PIBF1: variants seen among roughly 807,000 people sequenced by gnomAD.
PIBF1 encodes progesterone-induced-blocking factor 1.
PIBF1 carries 90 observed loss-of-function variants against 112.5 expected under a neutral mutation model. The ratio of observed to expected loss-of-function variants is 0.80; its 90% CI spans 0.67 to 0.95. PIBF1 has a LOEUF of 0.95. Ranked by LOEUF, PIBF1 falls within the 40% of genes least tolerant of loss-of-function variation. PIBF1 has a pLI of 0.00. For missense variants in PIBF1, 915 were observed against 852.3 expected, an observed-to-expected ratio of 1.07 and a Z score of -0.92; for synonymous variants, 301 against 288.6, an observed-to-expected ratio of 1.04 and a Z score of -0.44.
intron 17 of PIBF1, among the ~76,000 whole-genome samples, chr13:73,012,060 G>A (rs531438323): frequency 7.6e-4 from 115 of 152,124 alleles, no homozygotes; most frequent in Middle Eastern, 6.8e-3. Context: ...TAACAGAAAC[G>A]ACAAATGCTG....
At chr13:72,905,942 C>G (rs537276775) in intron 11 of PIBF1, among the ~76,000 whole-genome samples, 1 of 152,150 alleles carries the variant, frequency 6.6e-6, no homozygotes, top group Non-Finnish European at 1.5e-5. Flanking sequence ...CTTGAGAAAG[C>G]AGAGAGATTA....
chr13:72,929,943 T>C (rs2041650315), intron 13 of PIBF1, among the ~76,000 whole-genome samples: 2 of 152,126 alleles, frequency 1.3e-5, no homozygotes, highest in Non-Finnish European at 2.9e-5. Flanking sequence ...CACTGTAACC[T>C]CGAACTCCTG....
chr13:72,863,024 G>A lies in PIBF1; in HGVS notation c.1322+8869G>A, dbSNP rs539910071. ...GGGAATTGATGGTAAGAGAAATAGT[G>A]TTTGTACATATATAATGTTCTCAGA... On this transcript the variant is annotated intron_variant, in intron 10 of 17. Coordinates refer to ENST00000326291, the MANE Select transcript of PIBF1 (RefSeq NM_006346.4). Among the ~76,000 whole-genome samples, 4 of 152,160 alleles carry A rather than the reference G, an allele frequency of 2.6e-5. No individual in the cohort carries two copies. The South Asian group carries it at 8.3e-4, about 32-fold the overall frequency.
chr13:72,867,912 C>G (rs1378722439), intron 10 of PIBF1, among the ~76,000 whole-genome samples: 4 of 152,146 alleles, frequency 2.6e-5, no homozygotes, highest in Non-Finnish European at 5.9e-5. Flanking sequence ...TTTCTCTTGG[C>G]TAGATTATTC....
intron 10 of PIBF1, among the ~76,000 whole-genome samples, chr13:72,879,343 G>T (rs553994893): frequency 2.0e-5 from 3 of 152,224 alleles, no homozygotes; most frequent in South Asian, 4.1e-4. Context: ...AAGTCAAGGA[G>T]ATCTACAATC....
chr13:72,918,890 G>C (rs1345825004), intron 13 of PIBF1, among the ~76,000 whole-genome samples: 1 of 151,672 alleles, frequency 6.6e-6, no homozygotes, highest in South Asian at 2.1e-4. Flanking sequence ...TTTTAATAGC[G>C]ACAGGGTTTC....
At position 72,893,965 on chromosome 13, in the gene PIBF1, T is replaced by A. The variant is rs778897456; in HGVS notation, c.1488+16T>A. 1 of 1,546,660 alleles carries A rather than the reference T, an allele frequency of 6.5e-7. No homozygotes were observed. The highest frequency in any genetic ancestry group is 2.4e-5 in the East Asian group (1 of 42,096). ...AAAATTGGAGGTACATGTACAAGCT[T>A]TTCTTTCAACATTAGCATGGCATGT... is the stretch of plus-strand genomic sequence containing the variant. On this transcript the variant is annotated intron_variant, in intron 11 of 17. Coordinates refer to ENST00000326291, the MANE Select transcript of PIBF1 (RefSeq NM_006346.4).
At chr13:72,969,119 A>G (rs1002516151) in intron 15 of PIBF1, among the ~76,000 whole-genome samples, 1 of 152,224 alleles carries the variant, frequency 6.6e-6, no homozygotes, top group Admixed American at 6.5e-5. Flanking sequence ...TATAATCTTC[A>G]TAATATACAC....
chr13:72,815,862 G>A (rs544511192), intron 5 of PIBF1, among the ~76,000 whole-genome samples: 2 of 152,214 alleles, frequency 1.3e-5, no homozygotes, highest in Admixed American at 6.5e-5. Context: ...TTATTCAAAA[G>A]GCATGAGAAT....
At chr13:72,908,907 C>G (rs1198277212) in intron 12 of PIBF1, among the ~76,000 whole-genome samples, 2 of 151,692 alleles carry the variant, frequency 1.3e-5, no homozygotes, top group East Asian at 3.9e-4. Flanking sequence ...AAAAAAATTA[C>G]CCAGGAGTGA....
chr13:72,904,623 T>C, intron 11 of PIBF1, among the ~76,000 whole-genome samples: 1 of 151,360 alleles, frequency 6.6e-6, no homozygotes, highest in Non-Finnish European at 1.5e-5. Context: ...GTATTTTTAG[T>C]AGAGACAGGG....
chr13:72,859,010 T>C (rs2038573292), intron 10 of PIBF1, among the ~76,000 whole-genome samples: 1 of 152,162 alleles, frequency 6.6e-6, no homozygotes, highest in South Asian at 2.1e-4. Flanking sequence ...ATTACTTGAC[T>C]TTTTTTAACT....
At chr13:72,908,827 T>C in intron 12 of PIBF1, 146 bp downstream of exon 12, 1 of 568,828 alleles carries the variant, frequency 1.8e-6, no homozygotes, top group Non-Finnish European at 3.0e-6. Context: ...GGTGGGCAAA[T>C]CACTTGAGGT....
At chr13:72,864,773 A>G (rs903584401) in intron 10 of PIBF1, among the ~76,000 whole-genome samples, 4 of 152,228 alleles carry the variant, frequency 2.6e-5, no homozygotes, top group Admixed American at 1.3e-4. Flanking sequence ...TACTGGAAGG[A>G]AAGTCCAGAG....
intron 14 of PIBF1, among the ~76,000 whole-genome samples, chr13:72,961,390 T>C (rs2042603666): frequency 6.6e-6 from 1 of 152,100 alleles, no homozygotes; most frequent in East Asian, 1.9e-4. Context: ...AAAATTGATA[T>C]GCTAAAGTAT....
At chr13:72,839,816 A>G (rs1299240449) in intron 9 of PIBF1, among the ~76,000 whole-genome samples, 2 of 152,132 alleles carry the variant, frequency 1.3e-5, no homozygotes, top group Non-Finnish European at 2.9e-5. Flanking sequence ...CTGTGTGGGG[A>G]AACAACCAAC....
intron 11 of PIBF1, among the ~76,000 whole-genome samples, chr13:72,894,324 A>AAT (rs1475921445): frequency 6.6e-6 from 1 of 152,100 alleles, no homozygotes; most frequent in Non-Finnish European, 1.5e-5. Flanking sequence ...TCATCAAATA[A>AAT]TATGATATGT....
intron 11 of PIBF1, among the ~76,000 whole-genome samples, chr13:72,899,773 A>G (rs963860383): frequency 6.6e-6 from 1 of 152,176 alleles, no homozygotes; most frequent in African/African-American, 2.4e-5. Flanking sequence ...AACAAGAGAA[A>G]GAAATAAAGG....
chr13:72,818,889 C>G (rs551152580), intron 5 of PIBF1, among the ~76,000 whole-genome samples: 3 of 152,158 alleles, frequency 2.0e-5, no homozygotes, highest in East Asian at 1.9e-4. Context: ...ATTTCTAGTT[C>G]TCTCATTTTT....
Sources: gnomAD v4.1 joint callset for allele counts (sites outside exome capture counted in the v4.1 genomes callset) on GRCh38, gnomAD v4.1.1 for gene constraint, MANE v1.5 for transcripts, NCBI Gene and HGNC (gene_info 2026-07-23, HGNC 2026-07-21) for gene names.